TENM2: variants seen among roughly 807,000 people sequenced by gnomAD.
The protein encoded by TENM2 is teneurin-2.
In TENM2, 52 loss-of-function variants were observed where a neutral mutation model predicts 245.2. That is an observed-to-expected ratio of 0.21 (90% CI 0.17 to 0.27). The LOEUF (loss-of-function observed/expected upper bound fraction) is 0.27. Ranked by LOEUF, TENM2 falls within the 10% of genes least tolerant of loss-of-function variation. TENM2 has a pLI of 1.00. For missense variants in TENM2, 3,046 were observed against 3,666.8 expected (o/e 0.83, Z 4.37); for synonymous variants, 1,363 against 1,438.9 (o/e 0.95, Z 1.19).
At chr5:167,052,600 G>C in the TENM2 span, among the ~76,000 whole-genome samples, 2 of 152,066 alleles carry the variant, frequency 1.3e-5, no homozygotes, top group Non-Finnish European at 2.9e-5. Flanking sequence ...TCATTTCTGT[G>C]AGAGAGCATA....
At chr5:167,665,404 C>T (rs1261988285) in intron 2 of TENM2, among the ~76,000 whole-genome samples, 2 of 151,736 alleles carry the variant, frequency 1.3e-5, no homozygotes, top group Non-Finnish European at 2.9e-5. Flanking sequence ...TGTTTTAAAA[C>T]ATCTGGAGGC....
At chr5:167,068,478 A>G in the TENM2 span, among the ~76,000 whole-genome samples, 1 of 152,240 alleles carries the variant, frequency 6.6e-6, no homozygotes, top group African/African-American at 2.4e-5. Context: ...ATTTTATTTA[A>G]CCTGAGATAC....
intron 2 of TENM2, among the ~76,000 whole-genome samples, chr5:167,395,775 G>GT (rs1440624639): frequency 6.6e-6 from 1 of 152,032 alleles, no homozygotes; most frequent in Non-Finnish European, 1.5e-5. Flanking sequence ...AAATGATGTG[G>GT]TTATACATCC....
chr5:167,348,802 G>A (rs1350069752), intron 1 of TENM2, among the ~76,000 whole-genome samples: 1 of 152,106 alleles, frequency 6.6e-6, no homozygotes, highest in African/African-American at 2.4e-5. Context: ...AAGTCATGCC[G>A]TTACAATAAT....
intron 2 of TENM2, among the ~76,000 whole-genome samples, chr5:167,479,795 C>T (rs1767642459): frequency 6.6e-6 from 1 of 152,074 alleles, no homozygotes; most frequent in Non-Finnish European, 1.5e-5. Flanking sequence ...AAACCGGAAG[C>T]ATAGTAAGAT....
chr5:167,053,344 ATC>A, the TENM2 span, among the ~76,000 whole-genome samples: 1 of 152,178 alleles, frequency 6.6e-6, no homozygotes, highest in Admixed American at 6.6e-5. Context: ...AAGCACCTAT[ATC>A]TCAGACTCGG....
chr5:167,343,487 C>T (rs997883620), intron 1 of TENM2, among the ~76,000 whole-genome samples: 2 of 152,120 alleles, frequency 1.3e-5, no homozygotes, highest in Non-Finnish European at 2.9e-5. Context: ...CCCATTTATG[C>T]TCCATATGAA....
intron 2 of TENM2, among the ~76,000 whole-genome samples, chr5:167,686,012 G>A (rs1757050732): frequency 6.6e-6 from 1 of 152,086 alleles, no homozygotes; most frequent in African/African-American, 2.4e-5. Context: ...TCAGTAAAAT[G>A]GAAATAATAA....
the TENM2 span, among the ~76,000 whole-genome samples, chr5:167,142,882 G>C: frequency 6.6e-6 from 1 of 150,542 alleles, no homozygotes; most frequent in African/African-American, 2.5e-5. Context: ...GAATCTGAGT[G>C]GCCCTCACTG....
chr5:167,536,106 A>G (rs185095795), intron 2 of TENM2, among the ~76,000 whole-genome samples: 3 of 152,310 alleles, frequency 2.0e-5, no homozygotes, highest in Admixed American at 1.3e-4. Context: ...GTTGAACCGT[A>G]TGATCTGATA....
At chr5:167,328,855 C>T (rs1452369194) in intron 1 of TENM2, among the ~76,000 whole-genome samples, 1 of 152,098 alleles carries the variant, frequency 6.6e-6, no homozygotes, top group African/African-American at 2.4e-5. Flanking sequence ...TAGTGTTTAT[C>T]AGTATTTAAC....
intron 21 of TENM2, among the ~76,000 whole-genome samples, chr5:168,215,652 GA>G (rs1251387495): frequency 3.3e-5 from 5 of 152,246 alleles, no homozygotes; most frequent in Admixed American, 2.6e-4. Flanking sequence ...CTGGGCAACA[GA>G]GCGAGACTCC....
intron 9 of TENM2, 142 bp from the exon 12 acceptor site, chr5:168,118,150 T>A: frequency 1.8e-6 from 1 of 541,928 alleles, no homozygotes; most frequent in Non-Finnish European, 3.2e-6. Context: ...TGGCAATGGT[T>A]CTGCACCTGC....
At chr5:167,231,590 G>A in the TENM2 span, among the ~76,000 whole-genome samples, 1 of 152,160 alleles carries the variant, frequency 6.6e-6, no homozygotes, top group Non-Finnish European at 1.5e-5. Flanking sequence ...AAGTGATTCA[G>A]GTGATCTTAA....
rs559293485 is a variant in TENM2 at position 167,337,864 on chromosome 5, A to G, written c.227-37334A>G. ...ACCAATTTCAAATTCCAATCTCAATATGTGTTTTATTATAAATCAGTGAGA... is the reference window on the plus strand; with the variant it reads ...ACCAATTTCAAATTCCAATCTCAATGTGTGTTTTATTATAAATCAGTGAGA... On this transcript the variant is annotated intron_variant, in intron 1 of 28. Coordinates refer to ENST00000518659, the Ensembl canonical transcript of TENM2. 2.0e-5 allele frequency among the ~76,000 whole-genome samples: 3 copies of G among 152,320 alleles called. No homozygotes were observed. The South Asian group carries it at 6.2e-4, about 32-fold the overall frequency.
chr5:167,733,220 A>G (rs1760562555), intron 2 of TENM2, among the ~76,000 whole-genome samples: 1 of 152,120 alleles, frequency 6.6e-6, no homozygotes, highest in African/African-American at 2.4e-5. Context: ...CTCCTTGCCA[A>G]TAGTGCCCAC....
chr5:167,075,905 C>T, the TENM2 span, among the ~76,000 whole-genome samples: 1 of 152,168 alleles, frequency 6.6e-6, no homozygotes, highest in African/African-American at 2.4e-5. Flanking sequence ...TCATTCTGAG[C>T]TCTAGTAGAA....
chr5:167,859,807 A>G (rs1771545271), intron 2 of TENM2, among the ~76,000 whole-genome samples: 1 of 66,680 alleles, frequency 1.5e-5, no homozygotes, highest in African/African-American at 7.2e-5. Context: ...CCGCCCGGCC[A>G]GCCGCCCCGT....
At chr5:168,058,908 G>A (rs1346868363) in intron 6 of TENM2, among the ~76,000 whole-genome samples, 1 of 151,666 alleles carries the variant, frequency 6.6e-6, no homozygotes, top group Non-Finnish European at 1.5e-5. Context: ...TAGAACTATT[G>A]TTCCCATTTT....
Sources: allele counts gnomAD v4.1 joint callset (sites outside exome capture counted in the v4.1 genomes callset), GRCh38; gene constraint gnomAD v4.1.1; transcripts MANE v1.5; gene names NCBI Gene and HGNC (gene_info 2026-07-23, HGNC 2026-07-21).